Variants in FGF14 observed in about 807,000 individuals in gnomAD.
The protein encoded by FGF14 is fibroblast growth factor homologous factor 4.
A neutral mutation model predicts 25.5 loss-of-function variants in FGF14; 5 were observed. The ratio of observed to expected loss-of-function variants is 0.20; its 90% CI spans 0.10 to 0.41. The LOEUF (loss-of-function observed/expected upper bound fraction) is 0.41. FGF14 is among the 10% of genes least tolerant of loss of function. The pLI is 1.00. For synonymous variants in FGF14, 138 were observed against 118.3 expected (o/e 1.17, Z -1.08); for missense variants, 222 against 320.1 (o/e 0.69, Z 2.34).
chr13:101,964,979 T>G lies in FGF14; in HGVS notation c.209-89683A>C, dbSNP rs369885327. On this transcript the variant is annotated intron_variant, in intron 1 of 4. Coordinates refer to the FGF14 transcript ENST00000376131. ...TTTTATGGCCAGGCATAGTGGGTCATGCCTGTAATCCCAGCACTTTGGGAG... is the reference window on the plus strand; with the variant it reads ...TTTTATGGCCAGGCATAGTGGGTCAGGCCTGTAATCCCAGCACTTTGGGAG... Among the ~76,000 whole-genome samples the G allele has an allele frequency of 2.6e-4, 40 of 152,234 alleles. 1 individual carries two copies. The highest frequency in any genetic ancestry group is 8.7e-4 in the African/African-American group (36 of 41,554).
intron 1 of FGF14, among the ~76,000 whole-genome samples, chr13:102,322,566 A>T (rs2056286038): frequency 6.6e-6 from 1 of 152,176 alleles, no homozygotes; most frequent in African/African-American, 2.4e-5. Flanking sequence ...ACTTTGTCTT[A>T]AATTTGAAGT....
intron 1 of FGF14, among the ~76,000 whole-genome samples, chr13:101,948,473 AT>A (rs1220122725): frequency 2.3e-3 from 284 of 121,304 alleles, no homozygotes; most frequent in African/African-American, 0.01. Context: ...ATAAAAAAAT[AT>A]ATATATATAT....
chr13:101,953,733 G>A (rs1251462852), intron 1 of FGF14, among the ~76,000 whole-genome samples: 1 of 151,780 alleles, frequency 6.6e-6, no homozygotes, highest in Admixed American at 6.6e-5. Flanking sequence ...TGGGATTACA[G>A]GCACGTGCCA....
chr13:102,077,992 G>C (rs1329066514), intron 1 of FGF14, among the ~76,000 whole-genome samples: 1 of 152,094 alleles, frequency 6.6e-6, no homozygotes, highest in African/African-American at 2.4e-5. Flanking sequence ...CAACAACATG[G>C]ATGAACCTGG....
At chr13:101,786,247 G>T (rs894405593) in intron 3 of FGF14, among the ~76,000 whole-genome samples, 3 of 152,108 alleles carry the variant, frequency 2.0e-5, no homozygotes, top group African/African-American at 4.8e-5. Flanking sequence ...TACCTATTAT[G>T]TTTTGTTTTC....
intron 1 of FGF14, among the ~76,000 whole-genome samples, chr13:102,326,912 G>C (rs1478353830): frequency 6.6e-6 from 1 of 152,176 alleles, no homozygotes; most frequent in Non-Finnish European, 1.5e-5. Context: ...AAACAGTCAA[G>C]ATAACCCCAA....
intron 1 of FGF14, among the ~76,000 whole-genome samples, chr13:101,943,826 A>AATAT (rs1206422692): frequency 6.3e-5 from 8 of 126,800 alleles, no homozygotes; most frequent in South Asian, 2.5e-4. Flanking sequence ...AAAAAAAAAA[A>AATAT]ATATATATAT....
At chr13:102,352,768 C>T (rs1193458083) in intron 1 of FGF14, among the ~76,000 whole-genome samples, 4 of 148,522 alleles carry the variant, frequency 2.7e-5, no homozygotes, top group East Asian at 2.0e-4. Context: ...GCCGAGATCG[C>T]GCCACTGCAC....
At chr13:101,857,958 T>C (rs1414839715) in intron 3 of FGF14, among the ~76,000 whole-genome samples, 6 of 151,878 alleles carry the variant, frequency 4.0e-5, no homozygotes, top group Non-Finnish European at 8.8e-5. Context: ...TGAAGAAAAA[T>C]GTATAGTTTG....
At chr13:101,915,000 A>G (rs1044312166) in intron 1 of FGF14, among the ~76,000 whole-genome samples, 1 of 152,214 alleles carries the variant, frequency 6.6e-6, no homozygotes, top group African/African-American at 2.4e-5. Flanking sequence ...AATGTGGAAA[A>G]TTAAAATCCA....
intron 1 of FGF14, among the ~76,000 whole-genome samples, chr13:102,386,133 ATTT>A (rs771550582): frequency 3.6e-5 from 5 of 139,338 alleles, no homozygotes; most frequent in Non-Finnish European, 3.1e-5. Context: ...ATATACAGTA[ATTT>A]TTTTTTTTTT....
At chr13:102,075,898 A>G (rs997704616) in intron 1 of FGF14, among the ~76,000 whole-genome samples, 6 of 152,238 alleles carry the variant, frequency 3.9e-5, no homozygotes. Context: ...AAGTAAAAAA[A>G]GTAAATGAAT....
chr13:101,858,852 G>A (rs78387664), intron 3 of FGF14, among the ~76,000 whole-genome samples: 3 of 152,024 alleles, frequency 2.0e-5, no homozygotes, highest in Non-Finnish European at 4.4e-5. Flanking sequence ...GCTTTAAAAC[G>A]TTCAAGTTTA....
intron 1 of FGF14, among the ~76,000 whole-genome samples, chr13:102,062,223 T>TA (rs1367572326): frequency 6.6e-6 from 1 of 152,122 alleles, no homozygotes; most frequent in African/African-American, 2.4e-5. Flanking sequence ...TAAACATGGC[T>TA]ACCAACCGGA....
intron 2 of FGF14, among the ~76,000 whole-genome samples, chr13:101,872,660 C>T (rs893872480): frequency 2.0e-5 from 3 of 152,030 alleles, no homozygotes; most frequent in African/African-American, 2.4e-5. Context: ...AAATCTGCTA[C>T]GATTCTGCCA....
chr13:102,118,262 G>A (rs1205203075), intron 1 of FGF14, among the ~76,000 whole-genome samples: 1 of 151,782 alleles, frequency 6.6e-6, no homozygotes, highest in Admixed American at 6.6e-5. Context: ...ATACGTATGG[G>A]ATAAATAAAT....
intron 4 of FGF14, 77 bp from the exon 5 acceptor site, chr13:101,723,044 T>C (rs2035102573): frequency 6.5e-7 from 1 of 1,545,664 alleles, no homozygotes; most frequent in Non-Finnish European, 8.9e-7. Context: ...CATACCTGCA[T>C]AGACCACTGC....
rs765348741 is a variant in FGF14 at position 101,715,542 on chromosome 13, C to A, written c.*7289G>T. 8.5e-6 allele frequency: 13 copies of A among 1,524,544 alleles called. No homozygotes were observed. Among genetic ancestry groups the A allele is most frequent in the Non-Finnish European group, 9.1e-7 (1 of 1,098,830 alleles). 94.4% of individuals were successfully genotyped at this position (1,524,544 alleles called of 1,614,324 possible). The stretch of plus-strand genomic sequence containing the variant: ...GCACATTTTGATCATAATCATGATA[C>A]CTATATGTATTTTATTGCAGGGAAT... On this transcript the variant is annotated 3_prime_UTR_variant, in exon 5 of 5. Transcript: ENST00000376143.
At chr13:102,097,856 C>T (rs1270451256) in intron 1 of FGF14, among the ~76,000 whole-genome samples, 1 of 152,176 alleles carries the variant, frequency 6.6e-6, no homozygotes, top group African/African-American at 2.4e-5. Flanking sequence ...TGTAAAGCTC[C>T]CTGCTGATAT....
Sources: allele counts gnomAD v4.1 joint callset (sites outside exome capture counted in the v4.1 genomes callset), GRCh38; gene constraint gnomAD v4.1.1; transcripts MANE v1.5; gene names NCBI Gene and HGNC (gene_info 2026-07-23, HGNC 2026-07-21).